PCNX2: variants seen among roughly 807,000 people sequenced by gnomAD.
PCNX2 encodes pecanex 2.
A neutral mutation model predicts 223.8 loss-of-function variants in PCNX2; 168 were observed. That is an observed-to-expected ratio of 0.75 (90% CI 0.66 to 0.85). The LOEUF is 0.85. PCNX2 is among the 40% of genes least tolerant of loss of function. The pLI, the probability that PCNX2 is intolerant of heterozygous loss-of-function variation, is 0.00. For missense variants in PCNX2, 2,507 were observed against 2,675.5 expected (o/e 0.94, Z 1.39); for synonymous variants, 1,006 against 1,052.6 (o/e 0.96, Z 0.86).
chr1:233,252,618 T>G (rs1415222059), intron 6 of PCNX2, 23 bp downstream of exon 6: 1 of 1,602,166 alleles, frequency 6.2e-7, no homozygotes, highest in African/African-American at 1.3e-5. Flanking sequence ...CAAGTGAAAC[T>G]AAATTAAGTA....
At chr1:233,083,539 A>G (rs1673460127) in intron 23 of PCNX2, among the ~76,000 whole-genome samples, 1 of 152,242 alleles carries the variant, frequency 6.6e-6, no homozygotes, top group Admixed American at 6.5e-5. Context: ...GTAATTCCTA[A>G]GGGTCCGTGC....
the PCNX2 span, among the ~76,000 whole-genome samples, chr1:233,309,542 A>AT: frequency 3.6e-4 from 53 of 148,736 alleles, no homozygotes; most frequent in South Asian, 8.5e-4. Context: ...CTCCCTCAAA[A>AT]AAATAATAAT....
At chr1:233,130,151 A>G (rs928614646) in intron 21 of PCNX2, among the ~76,000 whole-genome samples, 7 of 152,144 alleles carry the variant, frequency 4.6e-5, no homozygotes, top group Non-Finnish European at 1.0e-4. Flanking sequence ...ACCCACCAGA[A>G]GGAAGAAACT....
chr1:233,001,510 A>T lies in PCNX2; in HGVS notation c.5097+27T>A. The T allele has an allele frequency of 1.6e-6, 2 of 1,215,890 alleles. No individual in the cohort carries two copies. Among genetic ancestry groups the T allele is most frequent in the South Asian group, 2.9e-5 (1 of 34,184 alleles). 75.3% of individuals were successfully genotyped at this position (1,215,890 alleles called of 1,614,324 possible). A position where few individuals can be genotyped will look rare whatever the true frequency, so the allele number is the denominator to read the frequency against. ...TAAATAAATAAATAAATAAATAAAT[A>T]AATAAATAAATAAAATAGGTTTTTA... On this transcript the variant is annotated intron_variant, in intron 29 of 33. Coordinates refer to ENST00000258229, the MANE Select transcript of PCNX2 (RefSeq NM_014801.4). This position sits in a 1 kb window ranked among gnomAD's most constrained non-coding sequence, Gnocchi z 4.2.
intron 23 of PCNX2, among the ~76,000 whole-genome samples, chr1:233,081,291 A>G (rs1572082209): frequency 6.6e-6 from 1 of 152,318 alleles, no homozygotes; most frequent in Non-Finnish European, 1.5e-5. Flanking sequence ...GGTTGTAGTG[A>G]GCCGAGATCA....
the PCNX2 span, among the ~76,000 whole-genome samples, chr1:233,313,770 A>G: frequency 6.6e-6 from 1 of 152,222 alleles, no homozygotes; most frequent in Admixed American, 6.5e-5. Context: ...AGTAAGGGTA[A>G]TTAAATGACC....
At chr1:233,289,443 A>C in intron 1 of PCNX2, 3 of 1,379,694 alleles carry the variant, frequency 2.2e-6, no homozygotes, top group Admixed American at 3.4e-5. Context: ...GCTCGTACTG[A>C]ACATGGCCTT....
intron 20 of PCNX2, among the ~76,000 whole-genome samples, chr1:233,138,742 G>C (rs1676948427): frequency 1.3e-5 from 2 of 152,150 alleles, no homozygotes; most frequent in African/African-American, 4.8e-5. Context: ...TCTTGCCCTG[G>C]TCTGACAGAA....
In PCNX2 at chr1:233,263,102, G is replaced by A; in HGVS notation, c.215C>T (p.Thr72Ile). 1 of 1,613,148 alleles carries A rather than the reference G, an allele frequency of 6.2e-7. No homozygotes were observed. Among genetic ancestry groups the A allele is most frequent in the South Asian group, 1.1e-5 (1 of 91,056 alleles). ...GCGATAACTGACCAGTTTGATTATT[G>A]TGAAGAATATAGTCACTGCACTGCA... Reference protein sequence around the residue: ...FYCSAVTIFFTIIKLVSYRLH... With the variant: ...FYCSAVTIFFIIIKLVSYRLH... Residue 72 changes from threonine (T) to isoleucine (I), a missense_variant, in exon 2 of 34, where the codon ACA becomes ATA. Physicochemically the swap from Thr to Ile is moderately conservative, Grantham distance 89 (BLOSUM62 -1). Coordinates refer to ENST00000258229, the MANE Select transcript of PCNX2 (RefSeq NM_014801.4).
chr1:233,272,627 G>A (rs527995945), intron 1 of PCNX2, among the ~76,000 whole-genome samples: 2 of 152,320 alleles, frequency 1.3e-5, no homozygotes, highest in East Asian at 3.9e-4. Flanking sequence ...ATTTGATCCA[G>A]CAGTCCCACT....
At chr1:233,285,196 T>A in intron 1 of PCNX2, 1 of 168,428 alleles carries the variant, frequency 5.9e-6, no homozygotes, top group East Asian at 1.9e-4. Flanking sequence ...CTACAAAAAA[T>A]AAGAAATTAG....
rs769084032 is a variant in PCNX2, at chr1:233,054,379, T to A, written c.4240A>T (p.Ser1414Cys). 11 of 1,613,866 alleles carry A rather than the reference T, an allele frequency of 6.8e-6. No homozygotes were observed. The highest frequency in any genetic ancestry group is 8.5e-6 in the Non-Finnish European group (10 of 1,179,824). The stretch of plus-strand genomic sequence containing the variant: ...GCCAAAATAAAGCAATCGCCAGAGC[T>A]GTAGTTGCCCCAACGTCCAAGAACT... Reference protein sequence around the residue: ...DLVLGRWGNYSSGDCFILASD... With the variant: ...DLVLGRWGNYCSGDCFILASD... Residue 1414 changes from serine to cysteine, a missense_variant, in exon 25 of 34, where the codon AGC (serine) becomes TGC (cysteine). Physicochemically the swap from Ser to Cys is moderately radical, Grantham distance 112. This residue lies in a region of PCNX2 where 1,372 missense variants were observed against 1,509.4 expected (regional missense o/e 0.91). Transcript: ENST00000258229.
At chr1:233,086,205 G>C (rs75402573) in intron 23 of PCNX2, among the ~76,000 whole-genome samples, 2,647 of 152,206 alleles carry the variant, frequency 0.017, 31 homozygotes, top group East Asian at 0.042. Flanking sequence ...GGAGAGGTTC[G>C]GAATGGAAAT....
At chr1:233,169,776 A>G (rs1236629234) in intron 17 of PCNX2, among the ~76,000 whole-genome samples, 3 of 152,054 alleles carry the variant, frequency 2.0e-5, no homozygotes, top group African/African-American at 7.2e-5. Context: ...CCAGCATCCT[A>G]GAAGCTTCTT....
At chr1:233,166,221 A>G (rs967872815) in intron 17 of PCNX2, among the ~76,000 whole-genome samples, 1 of 152,050 alleles carries the variant, frequency 6.6e-6, no homozygotes, top group Non-Finnish European at 1.5e-5. Context: ...AAACAATAAC[A>G]AAAACATCTT....
intron 23 of PCNX2, among the ~76,000 whole-genome samples, chr1:233,088,347 T>C (rs576179179): frequency 2.4e-4 from 36 of 152,202 alleles, no homozygotes; most frequent in Non-Finnish European, 4.3e-4. Flanking sequence ...AAGTATGTTG[T>C]ACTTTCCTTT....
chr1:233,274,112 G>A (rs1660792395), intron 1 of PCNX2, among the ~76,000 whole-genome samples: 1 of 152,144 alleles, frequency 6.6e-6, no homozygotes. Context: ...TCCCAATTTA[G>A]AACCAGTGTG....
chr1:233,085,780 G>A (rs2102930561), intron 23 of PCNX2, among the ~76,000 whole-genome samples: 1 of 152,264 alleles, frequency 6.6e-6, no homozygotes. Context: ...ATTACACAGA[G>A]AGGTTCTGAG....
At chr1:233,108,940 C>G (rs973141199) in intron 21 of PCNX2, among the ~76,000 whole-genome samples, 13 of 152,086 alleles carry the variant, frequency 8.5e-5, no homozygotes, top group African/African-American at 3.1e-4. Flanking sequence ...AAACATATAC[C>G]AATGGGAGAG....
Sources: allele counts gnomAD v4.1 joint callset (sites outside exome capture counted in the v4.1 genomes callset), GRCh38; gene constraint gnomAD v4.1.1; regional missense constraint gnomAD v4.1.1; non-coding constraint Gnocchi (gnomAD v3.1); transcripts MANE v1.5; gene names NCBI Gene and HGNC (gene_info 2026-07-23, HGNC 2026-07-21).